CBLN2: variants seen among roughly 807,000 people sequenced by gnomAD.
CBLN2 encodes the protein cerebellin 2 precursor.
A neutral mutation model predicts 15.0 loss-of-function variants in CBLN2; 7 were observed. The ratio of observed to expected loss-of-function variants is 0.47; its 90% CI spans 0.27 to 0.88. The LOEUF is 0.88. Among genes scored for constraint, CBLN2 ranks in the 40% least tolerant of loss-of-function variants. The probability of loss-of-function intolerance (pLI) is 0.14; values close to 1 mark genes in which losing one functional copy is unlikely to be tolerated. For missense variants in CBLN2, 242 were observed against 304.5 expected (o/e 0.79, Z 1.53); for synonymous variants, 149 against 135.2 (o/e 1.10, Z -0.71).
At chr18:72,555,156 CAGAG>C (rs368924554) in intron 1 of CBLN2, among the ~76,000 whole-genome samples, 5 of 148,456 alleles carry the variant, frequency 3.4e-5, no homozygotes, top group African/African-American at 9.9e-5. Flanking sequence ...AAGAAAAACA[CAGAG>C]AGAGAGAGAG....
intron 1 of CBLN2, among the ~76,000 whole-genome samples, chr18:72,611,360 G>A (rs1286092272): frequency 6.6e-6 from 1 of 152,150 alleles, no homozygotes; most frequent in Admixed American, 6.6e-5. Flanking sequence ...ATTCCCACCA[G>A]TAGTGTATAA....
At chr18:72,621,694 G>C (rs143819556) in intron 1 of CBLN2, among the ~76,000 whole-genome samples, 3 of 152,034 alleles carry the variant, frequency 2.0e-5, no homozygotes, top group Non-Finnish European at 2.9e-5. Context: ...TGAAGCTTTC[G>C]TGAAAGCTCT....
intron 1 of CBLN2, among the ~76,000 whole-genome samples, chr18:72,621,708 A>C (rs1410157716): frequency 6.6e-6 from 1 of 152,172 alleles, no homozygotes; most frequent in African/African-American, 2.4e-5. Flanking sequence ...AAGCTCTGGT[A>C]ATCTACTACA....
chr18:72,614,475 T>C lies in CBLN2; in HGVS notation c.15+23850A>G, dbSNP rs1364551501. ...CAAAATAATTTTTCAAATTTTTTGG[T>C]GTACATTAGGACTTCTTTACAGAAC... On this transcript the variant is annotated intron_variant, in intron 1 of 2. Transcript: ENST00000581073. Among the ~76,000 whole-genome samples, 5 of 152,304 alleles carry C rather than the reference T, an allele frequency of 3.3e-5. No homozygotes were observed. In the East Asian group the frequency reaches 9.6e-4, roughly 29 times the overall value.
At chr18:72,567,809 A>G (rs368792929) in intron 1 of CBLN2, among the ~76,000 whole-genome samples, 1 of 152,210 alleles carries the variant, frequency 6.6e-6, no homozygotes, top group African/African-American at 2.4e-5. Flanking sequence ...CCCCTCAAGA[A>G]GTTTAACAGA....
intron 1 of CBLN2, among the ~76,000 whole-genome samples, chr18:72,628,517 T>C (rs1334521034): frequency 6.6e-6 from 1 of 152,146 alleles, no homozygotes; most frequent in Non-Finnish European, 1.5e-5. Context: ...TGGACGGAGA[T>C]GGCCCGGCCT....
chr18:72,626,730 T>A (rs1054757765), intron 1 of CBLN2, among the ~76,000 whole-genome samples: 3 of 151,608 alleles, frequency 2.0e-5, no homozygotes, highest in Admixed American at 6.6e-5. Context: ...AAAAAAGAAG[T>A]CCAGTTCATG....
At chr18:72,633,424 C>A (rs2069790182) in intron 1 of CBLN2, among the ~76,000 whole-genome samples, 1 of 152,172 alleles carries the variant, frequency 6.6e-6, no homozygotes. Flanking sequence ...AAGAAATGCT[C>A]CGTTTTAGTT....
intron 1 of CBLN2, among the ~76,000 whole-genome samples, chr18:72,581,656 A>C (rs759813609): frequency 6.6e-6 from 1 of 152,182 alleles, no homozygotes; most frequent in African/African-American, 2.4e-5. Context: ...TTGTGATTAC[A>C]TGTGTTGCGA....
chr18:72,581,503 T>C lies in CBLN2; in HGVS notation c.16-42731A>G, dbSNP rs1366838242. ...GTGAAGCACATTTCTTTATGTATAC[T>C]GACCATTTAAATCATTAGAATATCC... is the stretch of plus-strand genomic sequence containing the variant. On this transcript the variant is annotated intron_variant, in intron 1 of 2. Transcript: ENST00000581073. 2.6e-5 allele frequency among the ~76,000 whole-genome samples: 4 copies of C among 152,238 alleles called. No individual in the cohort carries two copies. The East Asian group carries it at 7.7e-4, about 29-fold the overall frequency.
At chr18:72,630,895 C>T (rs2069771728) in intron 1 of CBLN2, 1 of 152,060 alleles carries the variant, frequency 6.6e-6, no homozygotes, top group African/African-American at 2.4e-5. Context: ...GCCATATATG[C>T]CTGCTGTGTG....
chr18:72,587,366 T>A (rs2069450746), intron 1 of CBLN2, among the ~76,000 whole-genome samples: 1 of 152,114 alleles, frequency 6.6e-6, no homozygotes, highest in African/African-American at 2.4e-5. Context: ...ATTAAAGCTG[T>A]TACACAATAA....
At chr18:72,608,870 C>T (rs1030644958) in intron 1 of CBLN2, among the ~76,000 whole-genome samples, 1 of 152,166 alleles carries the variant, frequency 6.6e-6, no homozygotes, top group African/African-American at 2.4e-5. Flanking sequence ...GAATGAGGAG[C>T]AAAGTCACAT....
At chr18:72,608,888 G>A (rs762197961) in intron 1 of CBLN2, among the ~76,000 whole-genome samples, 1 of 152,204 alleles carries the variant, frequency 6.6e-6, no homozygotes, top group Non-Finnish European at 1.5e-5. Flanking sequence ...CATCTTACAT[G>A]ATGGCAGGCA....
intron 1 of CBLN2, among the ~76,000 whole-genome samples, chr18:72,609,801 T>A (rs1269784317): frequency 1.3e-5 from 2 of 152,236 alleles, no homozygotes; most frequent in Non-Finnish European, 2.9e-5. Flanking sequence ...TTCTTGATTG[T>A]CTTCCCATGA....
rs2069080352 is a variant in CBLN2 at position 72,538,091 on chromosome 18, C to T, written c.*85G>A. 7.4e-7 allele frequency: 1 copy of T among 1,360,178 alleles called. No homozygotes were observed. The highest frequency in any genetic ancestry group is 1.0e-6 in the Non-Finnish European group (1 of 957,042). 84.3% of individuals were successfully genotyped at this position (1,360,178 alleles called of 1,614,324 possible). On this transcript the variant is annotated 3_prime_UTR_variant, in exon 5 of 5. Coordinates refer to ENST00000269503, the MANE Select transcript of CBLN2 (RefSeq NM_182511.4). ...CTGACGGAGGTTGGAAACAAGGTGT[C>T]CAATTCCAGTAAGTTCAGGGTGTTT... is the stretch of plus-strand genomic sequence containing the variant.
intron 1 of CBLN2, among the ~76,000 whole-genome samples, chr18:72,616,279 T>C (rs1230834001): frequency 1.3e-5 from 2 of 152,218 alleles, no homozygotes; most frequent in Non-Finnish European, 2.9e-5. Flanking sequence ...TTCCTCCCTA[T>C]ATGTAGAGAT....
intron 1 of CBLN2, among the ~76,000 whole-genome samples, chr18:72,560,252 T>A (rs1248913630): frequency 6.6e-6 from 1 of 152,182 alleles, no homozygotes; most frequent in African/African-American, 2.4e-5. Flanking sequence ...TGCAGGCCAG[T>A]CATGGACAGA....
chr18:72,589,083 T>C (rs2069461277), intron 1 of CBLN2, among the ~76,000 whole-genome samples: 1 of 152,110 alleles, frequency 6.6e-6, no homozygotes, highest in South Asian at 2.1e-4. Context: ...TATCATTCAC[T>C]CATCGGTGGG....
Sources: gnomAD v4.1 joint callset for allele counts (sites outside exome capture counted in the v4.1 genomes callset) on GRCh38, gnomAD v4.1.1 for gene constraint, MANE v1.5 for transcripts, NCBI Gene and HGNC (gene_info 2026-07-23, HGNC 2026-07-21) for gene names.